GNA13: variants seen among roughly 807,000 people sequenced by gnomAD.
The protein encoded by GNA13 is G protein subunit alpha 13, also known as guanine nucleotide-binding protein subunit alpha-13.
In GNA13, 4 loss-of-function variants were observed where a neutral mutation model predicts 33.5. That is an observed-to-expected ratio of 0.12 (90% CI 0.06 to 0.27). GNA13 has a LOEUF of 0.27. Among genes scored for constraint, GNA13 ranks in the 10% least tolerant of loss-of-function variants. GNA13 has a pLI of 1.00. For missense variants in GNA13, 319 were observed against 487.2 expected, an observed-to-expected ratio of 0.65 and a Z score of 3.25; for synonymous variants, 176 against 183.8, an observed-to-expected ratio of 0.96 and a Z score of 0.34.
At chr17:65,023,361 C>G (rs1475292187) in intron 2 of GNA13, among the ~76,000 whole-genome samples, 3 of 152,194 alleles carry the variant, frequency 2.0e-5, no homozygotes, top group Admixed American at 6.5e-5. Context: ...CTGTCAGAAA[C>G]AAAAAGTGAA....
At chr17:65,018,121 A>AC (rs1906442954) in intron 3 of GNA13, 132 bp downstream of exon 3, 1 of 204,374 alleles carries the variant, frequency 4.9e-6, no homozygotes, top group African/African-American at 3.0e-5. Flanking sequence ...AAAAAAAAAA[A>AC]AAAAAAAAAA....
chr17:65,045,913 T>G (rs112964541), intron 2 of GNA13, among the ~76,000 whole-genome samples: 5 of 152,190 alleles, frequency 3.3e-5, no homozygotes, highest in Non-Finnish European at 4.4e-5. Flanking sequence ...ACAAGAAGAA[T>G]GCTCCACAGA....
At chr17:65,050,453 G>A (rs978790945) in intron 2 of GNA13, among the ~76,000 whole-genome samples, 1 of 152,298 alleles carries the variant, frequency 6.6e-6, no homozygotes, top group Non-Finnish European at 1.5e-5. Context: ...CTGAAGCCAC[G>A]CACAGTGGTT....
chr17:65,050,796 T>C (rs1409530859), intron 2 of GNA13, among the ~76,000 whole-genome samples: 2 of 152,310 alleles, frequency 1.3e-5, no homozygotes, highest in South Asian at 4.1e-4. Flanking sequence ...ATCTCTGTCC[T>C]CCAGAAGTTT....
intron 3 of GNA13, among the ~76,000 whole-genome samples, chr17:65,015,654 CTT>C (rs1296576019): frequency 5.7e-5 from 5 of 87,918 alleles, no homozygotes; most frequent in Non-Finnish European, 1.1e-4. Context: ...CAGAGCAAGA[CTT>C]TGTCTTAAAA....
intron 2 of GNA13, among the ~76,000 whole-genome samples, chr17:65,049,862 G>A (rs1907800202): frequency 6.6e-6 from 1 of 152,136 alleles, no homozygotes; most frequent in East Asian, 1.9e-4. Context: ...GGGGTCCATG[G>A]GCCACATTTA....
At chr17:65,031,890 G>GAGAT (rs747118366) in intron 2 of GNA13, among the ~76,000 whole-genome samples, 2 of 86,224 alleles carry the variant, frequency 2.3e-5, no homozygotes, top group Admixed American at 1.6e-4. Context: ...GAGAGAGAGA[G>GAGAT]AGAGAAAGAG....
In GNA13 at chr17:65,035,580, A is replaced by G. The variant is rs114552541; in HGVS notation, c.511-17277T>C. 3.1e-3 allele frequency among the ~76,000 whole-genome samples: 475 copies of G among 152,342 alleles called. 2 individuals are homozygous for G. Among genetic ancestry groups the G allele is most frequent in the African/African-American group, 0.011 (458 of 41,582 alleles). ...AAAAACAAGCTAATTAAGGTTCTGG[A>G]GCCTGTAAGTCATGAACAGACAAAC... On this transcript the variant is annotated intron_variant, in intron 2 of 3. Transcript: ENST00000439174.
At chr17:65,031,745 T>G (rs1474267984) in intron 2 of GNA13, among the ~76,000 whole-genome samples, 1 of 151,992 alleles carries the variant, frequency 6.6e-6, no homozygotes, top group African/African-American at 2.4e-5. Flanking sequence ...TTAACTTGCT[T>G]TTAAAAGAGA....
rs1908075582 is a variant in GNA13, at chr17:65,056,638, C to A, written c.-45G>T. 6.6e-7 allele frequency: 1 copy of A among 1,519,712 alleles called. No individual in the cohort carries two copies. The highest frequency in any genetic ancestry group is 8.9e-7 in the Non-Finnish European group (1 of 1,129,722). The allele number at this position is 1,519,712 out of a possible 1,614,324, so 94.1% of individuals were successfully genotyped here. On this transcript the variant is annotated 5_prime_UTR_variant, in exon 1 of 4. Transcript: ENST00000439174. ...CCTCGGCGGGCCCCTCCGGCTCCCT[C>A]CACCTCCTCCTCCGGCGGCGGGCGG...
At chr17:65,027,369 A>G (rs1334464773) in intron 2 of GNA13, among the ~76,000 whole-genome samples, 1 of 150,164 alleles carries the variant, frequency 6.7e-6, no homozygotes, top group Non-Finnish European at 1.5e-5. Context: ...GCTGGTCTCA[A>G]ATTCCTAGGC....
chr17:65,055,686 G>C (rs1486442566), intron 1 of GNA13: 1 of 984,796 alleles, frequency 1.0e-6, no homozygotes, highest in Non-Finnish European at 1.2e-6. Flanking sequence ...CAGTCAACCT[G>C]ACACTCCTCA....
At chr17:65,019,220 G>C (rs1316320047) in intron 2 of GNA13, among the ~76,000 whole-genome samples, 1 of 152,134 alleles carries the variant, frequency 6.6e-6, no homozygotes. Flanking sequence ...GAGTGCCTGG[G>C]ACCACACTTT....
intron 2 of GNA13, among the ~76,000 whole-genome samples, chr17:65,047,053 T>C (rs1007234432): frequency 5.9e-5 from 9 of 152,048 alleles, no homozygotes; most frequent in Admixed American, 2.0e-4. Context: ...AAACTATAAG[T>C]GTAAACTTAA....
chr17:65,028,033 T>A (rs1303265272), intron 2 of GNA13, among the ~76,000 whole-genome samples: 6 of 152,090 alleles, frequency 3.9e-5, no homozygotes, highest in Admixed American at 3.9e-4. Context: ...GGTCAGGAGA[T>A]CGAGCTCACG....
chr17:65,014,341 G>C lies in GNA13; in HGVS notation c.1050C>G (p.Ile350Met). 6.2e-7 allele frequency: 1 copy of C among 1,613,626 alleles called. No individual in the cohort carries two copies. Among genetic ancestry groups the C allele is most frequent in the Non-Finnish European group, 8.5e-7 (1 of 1,179,532 alleles). The change falls in exon 4 of 4, where the codon ATC (isoleucine) becomes ATG (methionine). Residue 350 changes from isoleucine (I) to methionine (M), a missense_variant. Ile to Met is a conservative substitution (Grantham distance 10). Coordinates refer to ENST00000439174, the MANE Select transcript of GNA13 (RefSeq NM_006572.6). The surrounding 1 kb of genome is among the most constrained non-coding windows in gnomAD (Gnocchi z 5.3). The part of the protein sequence containing the change: ...KPLYHHFTTA[I>M]NTENIRLVFR... ...AAACAAGGCGGATGTTCTCCGTGTT[G>C]ATAGCAGTGGTGAAGTGGTGGTATA... is the stretch of plus-strand genomic sequence containing the variant.
chr17:65,036,621 G>A (rs994259757), intron 2 of GNA13, among the ~76,000 whole-genome samples: 16 of 152,210 alleles, frequency 1.1e-4, no homozygotes, highest in African/African-American at 3.6e-4. Context: ...CATAAGAATC[G>A]CTTGAATCTG....
At chr17:65,056,227 G>T in intron 1 of GNA13, 84 bp downstream of exon 1, 2 of 964,158 alleles carry the variant, frequency 2.1e-6, no homozygotes, top group South Asian at 1.6e-5. Flanking sequence ...CGACACAGCG[G>T]ACCAGGGCGG....
chr17:65,019,230 T>A (rs1906496265), intron 2 of GNA13, among the ~76,000 whole-genome samples: 1 of 152,150 alleles, frequency 6.6e-6, no homozygotes, highest in Non-Finnish European at 1.5e-5. Flanking sequence ...GACCACACTT[T>A]GAGTCACAAA....
Sources: allele counts gnomAD v4.1 joint callset (sites outside exome capture counted in the v4.1 genomes callset), GRCh38; gene constraint gnomAD v4.1.1; non-coding constraint Gnocchi (gnomAD v3.1); transcripts MANE v1.5; gene names NCBI Gene and HGNC (gene_info 2026-07-23, HGNC 2026-07-21).